ZNF862: variants seen among roughly 807,000 people sequenced by gnomAD.
The protein encoded by ZNF862 is zinc finger protein 862.
Under a neutral mutation model 91.1 loss-of-function variants are expected in ZNF862, and 64 were observed. The observed-to-expected ratio is 0.70, with a 90% CI of 0.57 to 0.87. ZNF862 has a LOEUF of 0.87. Ranked by LOEUF, ZNF862 falls within the 40% of genes least tolerant of loss-of-function variation. The pLI, the probability that ZNF862 is intolerant of heterozygous loss-of-function variation, is 0.00. For synonymous variants in ZNF862, 631 were observed against 618.1 expected (o/e 1.02, Z -0.31); for missense variants, 1,459 against 1,528.0 (o/e 0.95, Z 0.75).
chr7:149,854,217 C>T (rs1437498605), intron 5 of ZNF862, among the ~76,000 whole-genome samples: 3 of 152,196 alleles, frequency 2.0e-5, no homozygotes, highest in Admixed American at 6.5e-5. Context: ...TTTCTTATCA[C>T]ACTCAAATAA....
rs1039705694 is a variant in ZNF862 at position 149,838,629 on chromosome 7, G to C, written c.18G>C (p.Ser6=). The C allele has an allele frequency of 1.3e-5, 16 of 1,227,994 alleles. No homozygotes were observed. In the African/African-American group the frequency reaches 2.0e-4, roughly 16 times the overall value. The allele number at this position is 1,227,994 out of a possible 1,614,324, so 76.1% of individuals were successfully genotyped here. MEPRE[S]GKAPVTFDDI... ...GCGGGGCCATGGAGCCCAGAGAGTCGGGGAAGGTAGGACTGGAAGGCCCGG... is the reference window on the plus strand; with the variant it reads ...GCGGGGCCATGGAGCCCAGAGAGTCCGGGAAGGTAGGACTGGAAGGCCCGG... Residue 6 remains serine, a synonymous_variant, in exon 1 of 8, where the codon TCG becomes TCC. Transcript: ENST00000223210.
chr7:149,839,003 G>T (rs1269452339), intron 1 of ZNF862, among the ~76,000 whole-genome samples: 1 of 152,232 alleles, frequency 6.6e-6, no homozygotes, highest in Non-Finnish European at 1.5e-5. Context: ...AGTGGGAGCT[G>T]CAGGGTGGGA....
At chr7:149,853,342 G>C (rs1293576183) in intron 5 of ZNF862, among the ~76,000 whole-genome samples, 1 of 152,218 alleles carries the variant, frequency 6.6e-6, no homozygotes, top group Non-Finnish European at 1.5e-5. Flanking sequence ...TATGGAATGT[G>C]GGTGTTTGTG....
In ZNF862 at chr7:149,861,198, G is replaced by A. The variant is rs770914121; in HGVS notation, c.2038G>A (p.Glu680Lys). ...CGAGACCATCGTTTCTGCCCTGGATGAGCTGGACATCCCCTTCCGGAAGCC... is the reference window on the plus strand; with the variant it reads ...CGAGACCATCGTTTCTGCCCTGGATAAGCTGGACATCCCCTTCCGGAAGCC... Reference protein sequence around the residue: ...YFETIVSALDELDIPFRKPGW... With the variant: ...YFETIVSALDKLDIPFRKPGW... The change falls in exon 7 of 8, where the codon GAG (glutamate) becomes AAG (lysine). Residue 680 changes from glutamate (E) to lysine (K), a missense_variant. By Grantham distance (56) the Glu-to-Lys change is moderately conservative. Transcript: ENST00000223210. The surrounding 1 kb of genome is among the most constrained non-coding windows in gnomAD (Gnocchi z 6.7). 1.2e-6 allele frequency: 2 copies of A among 1,612,672 alleles called. No homozygotes were observed. Among genetic ancestry groups the A allele is most frequent in the Non-Finnish European group, 8.5e-7 (1 of 1,179,670 alleles).
Position 149,861,146 on chromosome 7 carries a change from C to T in ZNF862, c.1986C>T (p.Leu662=). 6.2e-7 allele frequency: 1 copy of T among 1,613,090 alleles called. No individual in the cohort carries two copies. The highest frequency in any genetic ancestry group is 8.5e-7 in the Non-Finnish European group (1 of 1,179,878). The change falls in exon 7 of 8, where the codon CTC becomes CTT. Residue 662 remains leucine, a synonymous_variant. Coordinates refer to ENST00000223210, the MANE Select transcript of ZNF862 (RefSeq NM_001099220.3). This position sits in a 1 kb window ranked among gnomAD's most constrained non-coding sequence, Gnocchi z 6.7. ...VKESYITLAP[L]YSETADGYFE... is the part of the protein sequence containing the mutation. ...AGTCCTACATCACTCTGGCCCCTCT[C>T]TACAGTGAGACAGCAGATGGGTACT...
intron 5 of ZNF862, among the ~76,000 whole-genome samples, chr7:149,857,834 T>C (rs1454522589): frequency 1.3e-5 from 2 of 152,172 alleles, no homozygotes; most frequent in Non-Finnish European, 2.9e-5. Flanking sequence ...TTGGAGGGTA[T>C]GATAAGCCCA....
rs1490604088 is a variant in ZNF862 at position 149,860,716 on chromosome 7, A to G, written c.1556A>G (p.His519Arg). Reference protein sequence around the residue: ...GPFKVETLKYHEVSKAHRLCV... With the variant: ...GPFKVETLKYREVSKAHRLCV... ...TTTAAAGTGGAGACTTTAAAATACC[A>G]TGAAGTCAGCAAAGCGCACAGGCTC... Residue 519 changes from histidine (H) to arginine (R), a missense_variant, in exon 7 of 8, where the codon CAT becomes CGT. Physicochemically the swap from His to Arg is conservative, Grantham distance 29 (BLOSUM62 0). Transcript: ENST00000223210. The G allele has an allele frequency of 3.7e-6, 6 of 1,613,814 alleles. No individual in the cohort carries two copies. The highest frequency in any genetic ancestry group is 1.3e-5 in the African/African-American group (1 of 74,948).
Position 149,848,272 on chromosome 7 carries a change from GTTC to G in ZNF862, c.780_782del (p.Ser260_Ser261delinsArg). On this transcript the variant is annotated inframe_deletion, in exon 4 of 8. Transcript: ENST00000223210. ...GATAGCATGGCTGAGCTCCTGCCAA[GTTC>G]AAGAGCTGAACTAGAGGACCCTGGG... 6.2e-7 allele frequency: 1 copy of G among 1,612,038 alleles called. No homozygotes were observed. Among genetic ancestry groups the G allele is most frequent in the East Asian group, 2.2e-5 (1 of 44,860 alleles).
At chr7:149,846,581 GTAGA>G (rs1468705222) in intron 3 of ZNF862, among the ~76,000 whole-genome samples, 3 of 145,674 alleles carry the variant, frequency 2.1e-5, no homozygotes, top group Non-Finnish European at 4.5e-5. Context: ...CTGTTGCACA[GTAGA>G]TAATCACTGA....
chr7:149,850,390 C>G lies in ZNF862; in HGVS notation c.1117+52C>G. On this transcript the variant is annotated intron_variant, in intron 5 of 7. Coordinates refer to ENST00000223210, the MANE Select transcript of ZNF862 (RefSeq NM_001099220.3). The surrounding 1 kb of genome is among the most constrained non-coding windows in gnomAD (Gnocchi z 4.2). Reference sequence around the variant, plus strand: ...ACCACCCTCCTTTGACTTGGGAAGCCCACAAGGGGAGCTGTGGCTTGTGGT... The same window carrying G: ...ACCACCCTCCTTTGACTTGGGAAGCGCACAAGGGGAGCTGTGGCTTGTGGT... The G allele has an allele frequency of 6.4e-7, 1 of 1,551,996 alleles. No homozygotes were observed. The highest frequency in any genetic ancestry group is 8.7e-7 in the Non-Finnish European group (1 of 1,146,604).
At chr7:149,846,353 C>T (rs1473379598) in intron 3 of ZNF862, 98 bp downstream of exon 3, 4 of 850,150 alleles carry the variant, frequency 4.7e-6, no homozygotes, top group Non-Finnish European at 5.7e-6. Context: ...TCCTGTTCTC[C>T]ACCAACTGAC....
At position 149,858,127 on chromosome 7, in the gene ZNF862, G is replaced by A. The variant is rs575027470; in HGVS notation, c.1118-1295G>A. Among the ~76,000 whole-genome samples, 5 of 152,242 alleles carry A rather than the reference G, an allele frequency of 3.3e-5. No individual in the cohort carries two copies. In the East Asian group the frequency reaches 5.8e-4, roughly 18 times the overall value. On this transcript the variant is annotated intron_variant, in intron 5 of 7. Transcript: ENST00000223210. ...CTCCCACCCATTCCCCATCCACCACGTTCTCCCATACCTGTTGCCTGCAGT... is the reference window on the plus strand; with the variant it reads ...CTCCCACCCATTCCCCATCCACCACATTCTCCCATACCTGTTGCCTGCAGT...
intron 5 of ZNF862, chr7:149,859,104 C>T (rs1239079110): frequency 2.6e-6 from 1 of 388,236 alleles, no homozygotes; most frequent in Non-Finnish European, 4.8e-6. Context: ...CCTTCCACTT[C>T]TCATATGGCT....
chr7:149,859,426 TGCC>T lies in ZNF862; in HGVS notation c.1125_1127del (p.Ala377del). ...GATTCTTCATCCTTACAACAGGACC[TGCC>T]GCTGCCAAGCCAGACTTGATCTCCA... On this transcript the variant is annotated inframe_deletion, in exon 6 of 8. Coordinates refer to ENST00000223210, the MANE Select transcript of ZNF862 (RefSeq NM_001099220.3). The T allele has an allele frequency of 1.3e-6, 2 of 1,574,342 alleles. No homozygotes were observed. Among genetic ancestry groups the T allele is most frequent in the Non-Finnish European group, 1.7e-6 (2 of 1,159,216 alleles).
chr7:149,843,878 G>T (rs561649674), intron 1 of ZNF862, among the ~76,000 whole-genome samples: 7 of 152,190 alleles, frequency 4.6e-5, no homozygotes, highest in Admixed American at 3.9e-4. Flanking sequence ...GTGGTTCTCC[G>T]CTTTGCCCGC....
At chr7:149,846,049 A>G (rs1801857640) in intron 2 of ZNF862, 102 bp from the exon 3 acceptor site, 1 of 789,718 alleles carries the variant, frequency 1.3e-6, no homozygotes, top group East Asian at 2.7e-5. Context: ...CACCATGCCG[A>G]GAGATGTCGC....
chr7:149,838,760 C>T (rs968299916), intron 1 of ZNF862, 125 bp downstream of exon 1: 38 of 598,102 alleles, frequency 6.4e-5, no homozygotes, highest in Non-Finnish European at 9.0e-5. Context: ...AAGGACTCGC[C>T]GGCCCGCCCT....
rs764438297 is a variant in ZNF862 at position 149,848,011 on chromosome 7, A to G, written c.518A>G (p.Lys173Arg). The G allele has an allele frequency of 2.5e-6, 4 of 1,613,634 alleles. No homozygotes were observed. Among genetic ancestry groups the G allele is most frequent in the South Asian group, 2.2e-5 (2 of 90,996 alleles). Residue 173 changes from lysine to arginine, a missense_variant, in exon 4 of 8, where the codon AAA becomes AGA. Physicochemically the swap from Lys to Arg is conservative, Grantham distance 26. Transcript: ENST00000223210. ...ACREYPSIRDKRSRLIEGYTG... is the reference protein window; with the variant it reads ...ACREYPSIRDRRSRLIEGYTG... ...CGAGAATACCCCTCCATCAGGGACA[A>G]ACGGTCAAGACTAATAGAAGGTTAT... is the stretch of plus-strand genomic sequence containing the variant.
Position 149,850,151 on chromosome 7 carries a change from T to G in ZNF862, c.940-10T>G. On this transcript the variant is annotated splice_polypyrimidine_tract_variant and intron_variant, in intron 4 of 7. Transcript: ENST00000223210. The surrounding 1 kb of genome is among the most constrained non-coding windows in gnomAD (Gnocchi z 4.2). ...AGGCGGTGCTGAGTGGCCGCTGCTC[T>G]TTGTTCCAGGACCCTTCTGCAGAGG... 2.6e-6 allele frequency: 4 copies of G among 1,556,742 alleles called. No individual in the cohort carries two copies. Among genetic ancestry groups the G allele is most frequent in the Non-Finnish European group, 3.5e-6 (4 of 1,150,876 alleles).
Sources: gnomAD v4.1 joint callset for allele counts (sites outside exome capture counted in the v4.1 genomes callset) on GRCh38, gnomAD v4.1.1 for gene constraint, Gnocchi (gnomAD v3.1) non-coding constraint, MANE v1.5 for transcripts, NCBI Gene and HGNC (gene_info 2026-07-23, HGNC 2026-07-21) for gene names.